NCAM1: variants seen among roughly 807,000 people sequenced by gnomAD.
NCAM1 encodes the protein antigen recognized by monoclonal antibody 5.1H11.
NCAM1 carries 14 observed loss-of-function variants against 109.8 expected under a neutral mutation model. That is an observed-to-expected ratio of 0.13 (90% confidence interval 0.08 to 0.20). The LOEUF is 0.20. Ranked by LOEUF, NCAM1 falls within the 10% of genes least tolerant of loss-of-function variation. The probability of loss-of-function intolerance (pLI) is 1.00; values close to 1 mark genes in which losing one functional copy is unlikely to be tolerated. For missense variants in NCAM1, 774 were observed against 1,109.9 expected, an observed-to-expected ratio of 0.70 and a Z score of 4.30; for synonymous variants, 418 against 442.9, an observed-to-expected ratio of 0.94 and a Z score of 0.70.
At chr11:113,037,650 G>A (rs538605597) in intron 1 of NCAM1, among the ~76,000 whole-genome samples, 28 of 152,280 alleles carry the variant, frequency 1.8e-4, no homozygotes, top group Admixed American at 5.2e-4. Flanking sequence ...ACAGCCTTAC[G>A]GTCAGTCACG....
chr11:113,211,428 T>A (rs1944389072), intron 7 of NCAM1, among the ~76,000 whole-genome samples: 1 of 152,236 alleles, frequency 6.6e-6, no homozygotes, highest in South Asian at 2.1e-4. Context: ...CATTCTTTCC[T>A]CAGAAAAAGA....
At chr11:113,218,483 G>A (rs1555114715) in intron 8 of NCAM1, among the ~76,000 whole-genome samples, 1 of 152,150 alleles carries the variant, frequency 6.6e-6, no homozygotes, top group East Asian at 1.9e-4. Context: ...CTTCTTAAGG[G>A]AAGAGGTGGA....
intron 1 of NCAM1, among the ~76,000 whole-genome samples, chr11:113,174,702 C>T (rs1273292097): frequency 2.0e-5 from 3 of 152,152 alleles, no homozygotes; most frequent in African/African-American, 7.2e-5. Context: ...ATTTTTTCCA[C>T]TTGCAAGTGG....
chr11:113,024,048 A>G (rs1208072232), intron 1 of NCAM1, among the ~76,000 whole-genome samples: 1 of 151,372 alleles, frequency 6.6e-6, no homozygotes, highest in African/African-American at 2.4e-5. Flanking sequence ...AGGTACCTTG[A>G]TCACTTTGGA....
chr11:113,063,633 G>A (rs1227790528), intron 1 of NCAM1, among the ~76,000 whole-genome samples: 5 of 152,130 alleles, frequency 3.3e-5, no homozygotes, highest in Non-Finnish European at 7.3e-5. Flanking sequence ...TACTTGGATG[G>A]GGTTCAGACA....
At chr11:113,008,734 G>C (rs4589334) in intron 1 of NCAM1, among the ~76,000 whole-genome samples, 68,608 of 152,060 alleles carry the variant, frequency 0.45, 16,353 homozygotes, top group East Asian at 0.8. Context: ...TTTTAAATCA[G>C]TAAGTTAAAA....
intron 1 of NCAM1, among the ~76,000 whole-genome samples, chr11:113,056,569 TTCTGG>T (rs1953720572): frequency 6.6e-6 from 1 of 152,170 alleles, no homozygotes; most frequent in Admixed American, 6.5e-5. Context: ...CTCTCTTCCT[TTCTGG>T]TCATGTTGGG....
At chr11:112,989,751 T>C (rs149625612) in intron 1 of NCAM1, among the ~76,000 whole-genome samples, 1,525 of 152,286 alleles carry the variant, frequency 0.01, 23 homozygotes, top group African/African-American at 0.034. Flanking sequence ...TCTAGTCTTT[T>C]TTTGGAAAGA....
intron 1 of NCAM1, among the ~76,000 whole-genome samples, chr11:113,116,988 A>C (rs1268042748): frequency 1.3e-5 from 2 of 151,916 alleles, no homozygotes; most frequent in African/African-American, 2.4e-5. Context: ...AGTCAAATGA[A>C]TTCTATATTT....
At chr11:113,080,691 C>A (rs1555087011) in intron 1 of NCAM1, among the ~76,000 whole-genome samples, 1 of 152,220 alleles carries the variant, frequency 6.6e-6, no homozygotes, top group African/African-American at 2.4e-5. Context: ...AGAAAAGGGA[C>A]ATGGCTGTGA....
chr11:113,171,653 AAATAAATAAATAAATAAAGAG>A lies in NCAM1; in HGVS notation c.53-30723_53-30703del, dbSNP rs1942995391. Among the ~76,000 whole-genome samples the A allele has an allele frequency of 1.3e-5, 2 of 151,336 alleles. 1 individual carries two copies. Among genetic ancestry groups the A allele is most frequent in the South Asian group, 4.2e-4 (2 of 4,778 alleles). On this transcript the variant is annotated intron_variant, in intron 1 of 19. Transcript: ENST00000316851. ...TGTCTCAATAAATAAATAAATAAATAAATAAATAAATAAATAAAGAGAAGAGATAACTTATTGCCCTCTTGA... is the reference window on the plus strand; with the variant it reads ...TGTCTCAATAAATAAATAAATAAATAAAGAGATAACTTATTGCCCTCTTGA...
chr11:113,259,308 C>T (rs1555122836), intron 16 of NCAM1, among the ~76,000 whole-genome samples: 1 of 152,092 alleles, frequency 6.6e-6, no homozygotes, highest in Non-Finnish European at 1.5e-5. Context: ...GCCTCGGCCT[C>T]CCAAAGTGCT....
chr11:113,270,271 G>A lies in NCAM1; in HGVS notation c.2215G>A (p.Val739Met), dbSNP rs1356113502. 5 of 1,613,926 alleles carry A rather than the reference G, an allele frequency of 3.1e-6. No individual in the cohort carries two copies. The highest frequency in any genetic ancestry group is 2.5e-6 in the Non-Finnish European group (3 of 1,179,906). Residue 739 changes from valine to methionine, a missense_variant, in exon 18 of 20, where the codon GTG (valine) becomes ATG (methionine). Physicochemically the swap from Val to Met is conservative, Grantham distance 21. This residue lies in a region of NCAM1 where 523 missense variants were observed against 784.2 expected (regional missense o/e 0.67). Coordinates refer to ENST00000316851, the MANE Select transcript of NCAM1 (RefSeq NM_181351.5). ...IVIFVLLLVV[V>M]DITCYFLNKC... ...CATCTTCGTCCTGCTCCTGGTGGTTGTGGACATCACCTGCTACTTCCTGAA... is the reference window on the plus strand; with the variant it reads ...CATCTTCGTCCTGCTCCTGGTGGTTATGGACATCACCTGCTACTTCCTGAA...
At chr11:113,190,841 G>C (rs1196313903) in intron 1 of NCAM1, among the ~76,000 whole-genome samples, 2 of 152,158 alleles carry the variant, frequency 1.3e-5, no homozygotes, top group Non-Finnish European at 2.9e-5. Flanking sequence ...CAGTAGAAGA[G>C]TGTGACCTCC....
chr11:113,237,017 G>A (rs649568), intron 14 of NCAM1, among the ~76,000 whole-genome samples: 7,224 of 152,262 alleles, frequency 0.047, 285 homozygotes, highest in East Asian at 0.16. Context: ...GCATCTCCTC[G>A]TTTGGGGAAG....
At chr11:113,175,653 C>T (rs1555106891) in intron 1 of NCAM1, among the ~76,000 whole-genome samples, 1 of 152,198 alleles carries the variant, frequency 6.6e-6, no homozygotes, top group Non-Finnish European at 1.5e-5. Context: ...CTTTTCTTCA[C>T]ATGGAGAAAT....
chr11:113,162,058 A>G (rs1190658253), intron 1 of NCAM1, among the ~76,000 whole-genome samples: 1 of 152,198 alleles, frequency 6.6e-6, no homozygotes, highest in Non-Finnish European at 1.5e-5. Flanking sequence ...TCATTTAAGT[A>G]AAACAAACAA....
chr11:113,236,181 G>T, intron 14 of NCAM1: 3 of 963,344 alleles, frequency 3.1e-6, no homozygotes, highest in African/African-American at 1.7e-5. Flanking sequence ...TTGATAATTT[G>T]AGTTTCCAGC....
At chr11:113,071,744 C>T (rs1214879054) in intron 1 of NCAM1, among the ~76,000 whole-genome samples, 1 of 152,198 alleles carries the variant, frequency 6.6e-6, no homozygotes, top group Non-Finnish European at 1.5e-5. Flanking sequence ...TGGAATTGTA[C>T]TGAGAACCTG....
Sources: gnomAD v4.1 joint callset for allele counts (sites outside exome capture counted in the v4.1 genomes callset) on GRCh38, gnomAD v4.1.1 for gene constraint, gnomAD v4.1.1 regional missense constraint, MANE v1.5 for transcripts, NCBI Gene and HGNC (gene_info 2026-07-23, HGNC 2026-07-21) for gene names.